Variants in SH3RF1 observed in about 807,000 individuals in gnomAD.
The protein encoded by SH3RF1 is E3 ubiquitin-protein ligase SH3RF1.
Under a neutral mutation model 74.0 loss-of-function variants are expected in SH3RF1, and 32 were observed. That is an observed-to-expected ratio of 0.43 (90% CI 0.33 to 0.58). The LOEUF (loss-of-function observed/expected upper bound fraction) is 0.58. Ranked by LOEUF, SH3RF1 falls within the 20% of genes least tolerant of loss-of-function variation. SH3RF1 has a pLI of 0.05. For synonymous variants in SH3RF1, 396 were observed against 439.6 expected (o/e 0.90, Z 1.24); for missense variants, 954 against 1,130.9 (o/e 0.84, Z 2.24).
intron 2 of SH3RF1, among the ~76,000 whole-genome samples, chr4:169,160,780 C>T (rs561689547): frequency 6.6e-6 from 1 of 152,216 alleles, no homozygotes. Context: ...TATTCCCACA[C>T]AGACTGCAGA....
chr4:169,209,348 G>A (rs1730320422), intron 2 of SH3RF1, among the ~76,000 whole-genome samples: 1 of 151,602 alleles, frequency 6.6e-6, no homozygotes. Context: ...CAGCCAACTT[G>A]TCCTTCAGTT....
At chr4:169,244,305 C>T (rs902791041) in intron 2 of SH3RF1, among the ~76,000 whole-genome samples, 5 of 152,164 alleles carry the variant, frequency 3.3e-5, no homozygotes, top group Non-Finnish European at 7.4e-5. Context: ...GAATTGAGGA[C>T]TGTAAGTATT....
chr4:169,212,057 C>CTTTTTTTTT (rs34108534), intron 2 of SH3RF1, among the ~76,000 whole-genome samples: 107 of 48,238 alleles, frequency 2.2e-3, no homozygotes, highest in Non-Finnish European at 2.6e-3. Context: ...CTTTTCTTTT[C>CTTTTTTTTT]TTTTTTTTTT....
intron 4 of SH3RF1, among the ~76,000 whole-genome samples, chr4:169,150,576 G>C (rs979101287): frequency 2.0e-5 from 3 of 152,054 alleles, no homozygotes; most frequent in Non-Finnish European, 4.4e-5. Flanking sequence ...TAGAACTCTT[G>C]AACTTACTCC....
chr4:169,174,618 T>C (rs896507305), intron 2 of SH3RF1, among the ~76,000 whole-genome samples: 1 of 152,236 alleles, frequency 6.6e-6, no homozygotes, highest in East Asian at 1.9e-4. Flanking sequence ...CTTTTCTAAC[T>C]AAATTTACTC....
chr4:169,228,877 C>T (rs905436568), intron 2 of SH3RF1, among the ~76,000 whole-genome samples: 1 of 152,102 alleles, frequency 6.6e-6, no homozygotes, highest in African/African-American at 2.4e-5. Context: ...ATGAATACTT[C>T]CACAAGTGTC....
intron 7 of SH3RF1, 97 bp downstream of exon 7, chr4:169,122,003 G>GTCA (rs1733443422): frequency 4.0e-6 from 6 of 1,501,838 alleles, no homozygotes; most frequent in Non-Finnish European, 5.4e-6. Context: ...CCATAACGCT[G>GTCA]TCATCAGCTC....
At chr4:169,155,432 T>C in intron 4 of SH3RF1, 48 bp downstream of exon 4, 1 of 1,408,350 alleles carries the variant, frequency 7.1e-7, no homozygotes, top group Non-Finnish European at 1.0e-6. Flanking sequence ...AAGATTTATT[T>C]AGTAAGCTGA....
chr4:169,122,397 G>C (rs2126946820), intron 6 of SH3RF1, 131 bp from the exon 7 acceptor site: 1 of 1,005,982 alleles, frequency 9.9e-7, no homozygotes. Context: ...ATCCACACAG[G>C]GCAGAATCAG....
intron 10 of SH3RF1, among the ~76,000 whole-genome samples, chr4:169,115,252 T>G (rs1156319957): frequency 2.0e-5 from 3 of 152,174 alleles, no homozygotes; most frequent in Admixed American, 2.0e-4. Flanking sequence ...TAAGGTCAGA[T>G]GTACTGGGCC....
In SH3RF1 at chr4:169,194,512, T is replaced by C. The variant is rs1734778540; in HGVS notation, c.394-37833A>G. 6.6e-5 allele frequency among the ~76,000 whole-genome samples: 10 copies of C among 152,344 alleles called. No individual in the cohort carries two copies. The South Asian group carries it at 2.1e-3, about 32-fold the overall frequency. On this transcript the variant is annotated intron_variant, in intron 2 of 11. Coordinates refer to ENST00000284637, the MANE Select transcript of SH3RF1 (RefSeq NM_020870.4). ...GTCTGGCTTCTTTTGATCTATATTA[T>C]ATTTGTGAAATTTATCCATATGATT...
rs1255862569 is a variant in SH3RF1 at position 169,094,879 on chromosome 4, GT to G, written c.*1639del. 6.7e-6 allele frequency: 1 copy of G among 149,554 alleles called. No individual in the cohort carries two copies. Among genetic ancestry groups the G allele is most frequent in the African/African-American group, 2.5e-5 (1 of 40,580 alleles). 9.3% of individuals were successfully genotyped at this position (149,554 alleles called of 1,614,324 possible). On this transcript the variant is annotated 3_prime_UTR_variant, in exon 12 of 12. Coordinates refer to ENST00000284637, the MANE Select transcript of SH3RF1 (RefSeq NM_020870.4). ...CCTCTTGTCATTGCAAGACTTTTCA[GT>G]TCATGTTTCTATTTCCCAGTTTTAA...
At chr4:169,243,595 T>C (rs962614103) in intron 2 of SH3RF1, among the ~76,000 whole-genome samples, 3 of 152,204 alleles carry the variant, frequency 2.0e-5, no homozygotes, top group Non-Finnish European at 4.4e-5. Context: ...ATTCCCTCAG[T>C]TTAATCTTCA....
At chr4:169,207,628 G>A (rs1035664332) in intron 2 of SH3RF1, among the ~76,000 whole-genome samples, 4 of 152,140 alleles carry the variant, frequency 2.6e-5, no homozygotes, top group African/African-American at 9.7e-5. Context: ...CTCTGCAGTG[G>A]TCTTTCTCAT....
chr4:169,244,840 T>C (rs1290715788), intron 2 of SH3RF1, among the ~76,000 whole-genome samples: 1 of 152,218 alleles, frequency 6.6e-6, no homozygotes. Context: ...TTATTTAACA[T>C]TGTATTAATT....
chr4:169,155,897 T>A (rs960037686), intron 3 of SH3RF1, among the ~76,000 whole-genome samples: 1 of 152,178 alleles, frequency 6.6e-6, no homozygotes, highest in Admixed American at 6.5e-5. Flanking sequence ...GATTCTCAGA[T>A]GCTCCTCATT....
At chr4:169,153,508 AG>A (rs1323641880) in intron 4 of SH3RF1, among the ~76,000 whole-genome samples, 3 of 152,176 alleles carry the variant, frequency 2.0e-5, no homozygotes, top group African/African-American at 7.2e-5. Flanking sequence ...AAAAAGCCCC[AG>A]TTTTTATTCC....
intron 2 of SH3RF1, among the ~76,000 whole-genome samples, chr4:169,238,995 T>G (rs1354729242): frequency 6.8e-6 from 1 of 147,568 alleles, no homozygotes; most frequent in Non-Finnish European, 1.5e-5. Context: ...TTTTTCAGTC[T>G]CAAGATACCA....
At chr4:169,207,668 C>T (rs1012981242) in intron 2 of SH3RF1, among the ~76,000 whole-genome samples, 5 of 152,296 alleles carry the variant, frequency 3.3e-5, no homozygotes, top group Non-Finnish European at 1.5e-5. Flanking sequence ...CTGGATGCTT[C>T]GAGCTTTGCT....
Sources: allele counts gnomAD v4.1 joint callset (sites outside exome capture counted in the v4.1 genomes callset), GRCh38; gene constraint gnomAD v4.1.1; transcripts MANE v1.5; gene names NCBI Gene and HGNC (gene_info 2026-07-23, HGNC 2026-07-21).